The following PLCL1 variants were observed in gnomAD, a reference collection of about 807,000 sequenced individuals.
PLCL1 encodes inactive phospholipase C-like protein 1.
In PLCL1, 41 loss-of-function variants were observed where a neutral mutation model predicts 84.4. That is an observed-to-expected ratio of 0.49 (90% confidence interval 0.38 to 0.63). The LOEUF (loss-of-function observed/expected upper bound fraction) is 0.63. Among genes scored for constraint, PLCL1 ranks in the 30% least tolerant of loss-of-function variants. The pLI is 0.00. For missense variants in PLCL1, 1,206 were observed against 1,367.8 expected (o/e 0.88, Z 1.87); for synonymous variants, 490 against 488.3 (o/e 1.00, Z -0.05).
At chr2:198,059,677 G>GAC (rs200300747) in intron 1 of PLCL1, among the ~76,000 whole-genome samples, 279 of 152,186 alleles carry the variant, frequency 1.8e-3, no homozygotes, top group African/African-American at 6.4e-3. Flanking sequence ...CTCTACCCAG[G>GAC]ACACACACAC....
intron 1 of PLCL1, among the ~76,000 whole-genome samples, chr2:197,896,231 T>C (rs1453737261): frequency 1.3e-5 from 2 of 152,050 alleles, no homozygotes; most frequent in Admixed American, 1.3e-4. Context: ...CTATCTAGTG[T>C]ACAAATTAAT....
rs112139305 is a variant in PLCL1 at position 197,982,745 on chromosome 2, G to A, written c.241-101013G>A. The stretch of plus-strand genomic sequence containing the variant: ...GGTAACCTGATCTGCTGAGGGAGTA[G>A]CTGTGATCCAAACATGTGAGTTGAG... On this transcript the variant is annotated intron_variant, in intron 1 of 5. Coordinates refer to ENST00000428675, the MANE Select transcript of PLCL1 (RefSeq NM_006226.4). 6.2e-3 allele frequency among the ~76,000 whole-genome samples: 949 copies of A among 152,292 alleles called. 10 individuals are homozygous for A. The highest frequency in any genetic ancestry group is 0.022 in the African/African-American group (905 of 41,558).
Position 198,084,120 on chromosome 2 carries a change from G to T in PLCL1, c.603G>T (p.Leu201=). The change falls in exon 2 of 6, where the codon CTG becomes CTT. Residue 201 remains leucine, a synonymous_variant. Transcript: ENST00000428675. ...SILHGENYES[L]DLVANSADVA... ...TCCACGGGGAAAACTATGAGTCTCT[G>T]GACCTAGTTGCCAATTCAGCAGATG... is the stretch of plus-strand genomic sequence containing the variant. The T allele has an allele frequency of 1.2e-6, 2 of 1,614,132 alleles. No homozygotes were observed. Among genetic ancestry groups the T allele is most frequent in the African/African-American group, 1.3e-5 (1 of 75,052 alleles).
chr2:197,935,097 C>A (rs971332544), intron 1 of PLCL1, among the ~76,000 whole-genome samples: 1 of 152,092 alleles, frequency 6.6e-6, no homozygotes, highest in Non-Finnish European at 1.5e-5. Context: ...CATCTTACAC[C>A]AGACAGAATG....
chr2:197,877,833 C>T (rs1687765369), intron 1 of PLCL1, among the ~76,000 whole-genome samples: 1 of 152,012 alleles, frequency 6.6e-6, no homozygotes, highest in Non-Finnish European at 1.5e-5. Flanking sequence ...CAAATGAGGG[C>T]CTTTGGATGT....
chr2:197,877,954 A>G (rs528265900), intron 1 of PLCL1, among the ~76,000 whole-genome samples: 1 of 152,242 alleles, frequency 6.6e-6, no homozygotes, highest in East Asian at 1.9e-4. Context: ...CTCAACAGTT[A>G]AGAACCATTG....
intron 1 of PLCL1, among the ~76,000 whole-genome samples, chr2:198,074,863 G>T (rs1044796576): frequency 6.6e-6 from 1 of 152,172 alleles, no homozygotes; most frequent in Non-Finnish European, 1.5e-5. Context: ...AAATATAAAA[G>T]TATGCGTCTA....
chr2:197,966,589 C>T (rs1042483880), intron 1 of PLCL1, among the ~76,000 whole-genome samples: 1 of 152,112 alleles, frequency 6.6e-6, no homozygotes, highest in African/African-American at 2.4e-5. Context: ...CATAGATTCT[C>T]TCTTTGAACA....
chr2:198,024,917 A>C (rs1488412889), intron 1 of PLCL1, among the ~76,000 whole-genome samples: 2 of 152,120 alleles, frequency 1.3e-5, no homozygotes, highest in African/African-American at 4.8e-5. Context: ...TACTTCCATA[A>C]ACAACAGGAC....
chr2:198,082,191 C>T (rs1256236167), intron 1 of PLCL1, among the ~76,000 whole-genome samples: 16 of 152,104 alleles, frequency 1.1e-4, no homozygotes, highest in Admixed American at 1.0e-3. Context: ...CTCACAATGA[C>T]ACTATGTTAT....
chr2:197,840,492 C>A (rs1054287190), intron 1 of PLCL1, among the ~76,000 whole-genome samples: 4 of 152,134 alleles, frequency 2.6e-5, no homozygotes, highest in African/African-American at 9.7e-5. Flanking sequence ...ATTTCATCAT[C>A]AGAAGCTCAC....
intron 4 of PLCL1, 123 bp from the exon 5 acceptor site, chr2:198,103,704 G>A: frequency 1.8e-6 from 1 of 557,068 alleles, no homozygotes; most frequent in South Asian, 2.7e-5. Flanking sequence ...ATTCAATTTA[G>A]GGATTTGGAA....
Position 197,891,096 on chromosome 2 carries a change from AC to A in PLCL1, c.240+85759del, listed in dbSNP as rs964334111. On this transcript the variant is annotated intron_variant, in intron 1 of 5. Coordinates refer to ENST00000428675, the MANE Select transcript of PLCL1 (RefSeq NM_006226.4). ...TATAGTAAATCAGCAACTATTGAAC[AC>A]CTACTCTGTCAAGGATGTGCTAGGT... Among the ~76,000 whole-genome samples, 10 of 151,928 alleles carry A rather than the reference AC, an allele frequency of 6.6e-5. No homozygotes were observed. The East Asian group carries it at 1.7e-3, about 26-fold the overall frequency.
rs2105901746 is a variant in PLCL1 at position 198,088,951 on chromosome 2, A to G, written c.2809A>G (p.Ser937Gly). Reference protein sequence around the residue: ...LLTLSSRLITSDNTPSVSLVM... With the variant: ...LLTLSSRLITGDNTPSVSLVM... ...AACTCTGTCATCTCGGCTCATCACCAGTGACAATACTCCTTCAGTCTCACT... is the reference window on the plus strand; with the variant it reads ...AACTCTGTCATCTCGGCTCATCACCGGTGACAATACTCCTTCAGTCTCACT... Residue 937 changes from serine to glycine, a missense_variant, in exon 3 of 6, where the codon AGT (serine) becomes GGT (glycine). By Grantham distance (56) the Ser-to-Gly change is moderately conservative. Coordinates refer to ENST00000428675, the MANE Select transcript of PLCL1 (RefSeq NM_006226.4). The G allele has an allele frequency of 3.7e-6, 6 of 1,612,772 alleles. No individual in the cohort carries two copies. The highest frequency in any genetic ancestry group is 1.1e-5 in the South Asian group (1 of 91,052).
chr2:198,120,227 A>G (rs1299551152), intron 5 of PLCL1, among the ~76,000 whole-genome samples: 2 of 152,026 alleles, frequency 1.3e-5, no homozygotes, highest in African/African-American at 4.8e-5. Context: ...TGTGGGGTAC[A>G]TAAGATGTTT....
intron 1 of PLCL1, among the ~76,000 whole-genome samples, chr2:198,016,162 G>A (rs1374099770): frequency 6.6e-6 from 1 of 152,192 alleles, no homozygotes; most frequent in African/African-American, 2.4e-5. Flanking sequence ...AATGGATCTA[G>A]TCAGTAGTAA....
At chr2:197,815,081 A>G (rs907137634) in intron 1 of PLCL1, among the ~76,000 whole-genome samples, 2 of 152,192 alleles carry the variant, frequency 1.3e-5, no homozygotes, top group African/African-American at 4.8e-5. Context: ...GGCTACACTA[A>G]AAAACCTCAA....
intron 1 of PLCL1, among the ~76,000 whole-genome samples, chr2:197,860,780 A>C (rs1257093266): frequency 1.3e-5 from 2 of 152,088 alleles, no homozygotes; most frequent in Admixed American, 6.6e-5. Flanking sequence ...TCTTTGTTAG[A>C]TGCATAGTTT....
chr2:198,071,699 T>C (rs1412863461), intron 1 of PLCL1, among the ~76,000 whole-genome samples: 1 of 151,884 alleles, frequency 6.6e-6, no homozygotes, highest in East Asian at 1.9e-4. Context: ...CCAGTTTCAA[T>C]TTTTTAAAAA....
Sources: gnomAD v4.1 joint callset for allele counts (sites outside exome capture counted in the v4.1 genomes callset) on GRCh38, gnomAD v4.1.1 for gene constraint, MANE v1.5 for transcripts, NCBI Gene and HGNC (gene_info 2026-07-23, HGNC 2026-07-21) for gene names.